The following MGAT4C variants were observed in gnomAD, a reference collection of about 807,000 sequenced individuals.
MGAT4C encodes the protein alpha-1,3-mannosyl-glycoprotein 4-beta-N-acetylglucosaminyltransferase C.
Under a neutral mutation model 40.1 loss-of-function variants are expected in MGAT4C, and 19 were observed. The observed-to-expected ratio is 0.47, with a 90% CI of 0.33 to 0.70. The LOEUF is 0.70. MGAT4C is among the 30% of genes least tolerant of loss of function. The pLI is 0.02. For missense variants in MGAT4C, 491 were observed against 563.2 expected, an observed-to-expected ratio of 0.87 and a Z score of 1.30; for synonymous variants, 181 against 187.1, an observed-to-expected ratio of 0.97 and a Z score of 0.27.
At chr12:86,560,327 A>T (rs1407738153) in intron 2 of MGAT4C, among the ~76,000 whole-genome samples, 1 of 152,028 alleles carries the variant, frequency 6.6e-6, no homozygotes, top group Non-Finnish European at 1.5e-5. Flanking sequence ...ACAAAGATAC[A>T]GTAATAAAAA....
intron 1 of MGAT4C, among the ~76,000 whole-genome samples, chr12:86,833,387 T>C (rs2136238338): frequency 6.6e-6 from 1 of 152,058 alleles, no homozygotes; most frequent in Non-Finnish European, 1.5e-5. Context: ...GCCATAACAA[T>C]GTACTACAGA....
At chr12:86,826,252 ATC>A (rs1314086238) in intron 1 of MGAT4C, among the ~76,000 whole-genome samples, 2 of 151,408 alleles carry the variant, frequency 1.3e-5, no homozygotes, top group African/African-American at 4.8e-5. Flanking sequence ...CAGTATAGGC[ATC>A]CAAATAAAAC....
intron 1 of MGAT4C, among the ~76,000 whole-genome samples, chr12:86,814,456 T>C (rs1952560589): frequency 6.7e-6 from 1 of 149,956 alleles, no homozygotes; most frequent in Non-Finnish European, 1.5e-5. Flanking sequence ...ATAAAGTTAC[T>C]GAATTCTCAT....
upstream of MGAT4C, among the ~76,000 whole-genome samples, chr12:86,257,229 C>T (rs1011535369): frequency 1.3e-5 from 2 of 152,146 alleles, no homozygotes; most frequent in Non-Finnish European, 2.9e-5. Context: ...AGATTTCTCC[C>T]CAGGCTTAAA....
intron 4 of MGAT4C, among the ~76,000 whole-genome samples, chr12:86,329,729 AT>A (rs1954615665): frequency 1.3e-5 from 2 of 152,158 alleles, no homozygotes; most frequent in African/African-American, 4.8e-5. Flanking sequence ...GGATATTGAC[AT>A]TTTCAACTTA....
chr12:86,482,182 A>C (rs2136314280), intron 2 of MGAT4C, among the ~76,000 whole-genome samples: 1 of 152,114 alleles, frequency 6.6e-6, no homozygotes, highest in South Asian at 2.1e-4. Context: ...GACCATTTTC[A>C]AATTTGATAA....
chr12:86,638,838 A>G (rs1182454554), intron 2 of MGAT4C, among the ~76,000 whole-genome samples: 1 of 151,734 alleles, frequency 6.6e-6, no homozygotes, highest in Non-Finnish European at 1.5e-5. Context: ...CCCATTATCC[A>G]TTTTATTTCT....
At chr12:86,829,756 TTTTC>T (rs1952882920) in intron 1 of MGAT4C, among the ~76,000 whole-genome samples, 1 of 151,060 alleles carries the variant, frequency 6.6e-6, no homozygotes, top group Non-Finnish European at 1.5e-5. Flanking sequence ...AAATTGATCA[TTTTC>T]TTTTCTGACT....
intron 1 of MGAT4C, among the ~76,000 whole-genome samples, chr12:86,179,225 T>C (rs188633496): frequency 1.3e-5 from 2 of 152,332 alleles, no homozygotes; most frequent in African/African-American, 4.8e-5. Context: ...TCTCATGCCA[T>C]TGCCATGTAA....
At chr12:86,745,675 T>G (rs1315390668) in intron 1 of MGAT4C, among the ~76,000 whole-genome samples, 1 of 151,692 alleles carries the variant, frequency 6.6e-6, no homozygotes, top group Admixed American at 6.6e-5. Context: ...AATCATGTTT[T>G]GATTAATGGT....
At chr12:86,656,889 T>C (rs567439449) in intron 2 of MGAT4C, among the ~76,000 whole-genome samples, 4 of 152,222 alleles carry the variant, frequency 2.6e-5, no homozygotes, top group Middle Eastern at 3.4e-3. Context: ...TTTGAAATTA[T>C]GTTTTTCTTA....
At chr12:86,349,798 G>A (rs956184313) in intron 3 of MGAT4C, among the ~76,000 whole-genome samples, 4 of 152,024 alleles carry the variant, frequency 2.6e-5, no homozygotes, top group Admixed American at 2.0e-4. Context: ...CATATCTACT[G>A]TGACAAATCT....
At chr12:86,464,122 T>C (rs1213759606) in intron 2 of MGAT4C, among the ~76,000 whole-genome samples, 2 of 152,134 alleles carry the variant, frequency 1.3e-5, no homozygotes, top group African/African-American at 4.8e-5. Context: ...TGTAAGATAG[T>C]ACTTCGTGAG....
At chr12:86,066,266 A>G (rs1029803013) in intron 1 of MGAT4C, among the ~76,000 whole-genome samples, 2 of 152,204 alleles carry the variant, frequency 1.3e-5, no homozygotes, top group Non-Finnish European at 2.9e-5. Flanking sequence ...ATCGTAAGCA[A>G]AAAGAACAAA....
At chr12:85,999,163 T>A (rs1488643202) in intron 2 of MGAT4C, among the ~76,000 whole-genome samples, 1 of 152,142 alleles carries the variant, frequency 6.6e-6, no homozygotes, top group Non-Finnish European at 1.5e-5. Context: ...TTATTCACTA[T>A]CATGAGAACA....
At chr12:86,779,716 A>C (rs1235667912) in intron 1 of MGAT4C, among the ~76,000 whole-genome samples, 1 of 152,104 alleles carries the variant, frequency 6.6e-6, no homozygotes, top group African/African-American at 2.4e-5. Flanking sequence ...GATGGAGACC[A>C]TCCTGGCTAA....
intron 2 of MGAT4C, among the ~76,000 whole-genome samples, chr12:86,496,416 G>GA (rs1006999303): frequency 9.9e-5 from 15 of 151,764 alleles, no homozygotes; most frequent in African/African-American, 3.6e-4. Context: ...TTAGCTCAAA[G>GA]AAAAAAATAA....
chr12:86,016,327 A>G (rs983292759), intron 2 of MGAT4C: 2 of 152,250 alleles, frequency 1.3e-5, no homozygotes, highest in East Asian at 1.9e-4. Flanking sequence ...AAATATCTAT[A>G]TGGAACCAGA....
chr12:86,640,301 C>G (rs1963342664), intron 2 of MGAT4C, among the ~76,000 whole-genome samples: 1 of 151,694 alleles, frequency 6.6e-6, no homozygotes, highest in African/African-American at 2.4e-5. Flanking sequence ...GTATAGTTTG[C>G]TATGGTAATA....
Sources: allele counts gnomAD v4.1 joint callset (sites outside exome capture counted in the v4.1 genomes callset), GRCh38; gene constraint gnomAD v4.1.1; transcripts MANE v1.5; gene names NCBI Gene and HGNC (gene_info 2026-07-23, HGNC 2026-07-21).